The following RPL9 variants were observed in gnomAD, a reference collection of about 807,000 sequenced individuals.
RPL9 encodes large ribosomal subunit protein uL6.
For missense variants in RPL9, 149 were observed against 236.7 expected, an observed-to-expected ratio of 0.63 and a Z score of 2.43; for synonymous variants, 82 against 77.1, an observed-to-expected ratio of 1.06 and a Z score of -0.33.
intron 7 of RPL9, 65 bp downstream of exon 7, chr4:39,454,468 T>G: frequency 8.4e-7 from 1 of 1,194,516 alleles, no homozygotes; most frequent in South Asian, 1.5e-5. Flanking sequence ...TTTAAGTCTT[T>G]TAGTAAATTA....
At chr4:39,454,364 G>A (rs188042991) in intron 7 of RPL9, 139 bp from the exon 8 acceptor site, 7 of 583,718 alleles carry the variant, frequency 1.2e-5, no homozygotes, top group Non-Finnish European at 2.1e-5. Context: ...TAAACTATAC[G>A]TAGTAAAATG....
At position 39,454,926 on chromosome 4, in the gene RPL9, G is replaced by T; in HGVS notation, c.410C>A (p.Ser137Tyr). ...GATTAATTCATCTTTCTGGGCTTGA[G>T]ATACTGAACAAGCAACACCTAAAAG... ...RMRPGVACSV[S>Y]QAQKDELILE... Residue 137 changes from serine (S) to tyrosine (Y), a missense_variant, in exon 6 of 8, where the codon TCT becomes TAT. Ser to Tyr is a moderately radical substitution (Grantham distance 144). Coordinates refer to ENST00000295955, the MANE Select transcript of RPL9 (RefSeq NM_000661.5). The T allele has an allele frequency of 6.2e-7, 1 of 1,613,852 alleles. No homozygotes were observed. Among genetic ancestry groups the T allele is most frequent in the African/African-American group, 1.3e-5 (1 of 75,010 alleles).
intron 3 of RPL9, 93 bp downstream of exon 3, chr4:39,458,101 C>A: frequency 8.0e-7 from 1 of 1,247,538 alleles, no homozygotes; most frequent in Non-Finnish European, 1.2e-6. Flanking sequence ...AAGCACTGAA[C>A]CTTAATTCGA....
At chr4:39,457,945 A>T in intron 3 of RPL9, 1 of 639,182 alleles carries the variant, frequency 1.6e-6, no homozygotes, top group Non-Finnish European at 2.8e-6. Flanking sequence ...AATCACTAGG[A>T]AAATAAACCA....
Position 39,458,300 on chromosome 4 carries a change from G to C in RPL9, c.56C>G (p.Thr19Ser). The C allele has an allele frequency of 6.2e-7, 1 of 1,614,130 alleles. No individual in the cohort carries two copies. Among genetic ancestry groups the C allele is most frequent in the South Asian group, 1.1e-5 (1 of 91,086 alleles). ...CACGATAACTGTGCGTCCCTTCAGA[G>C]TAATGTCGACTAGAAGAGAGAACAC... ...TVDIPENVDI[T>S]LKGRTVIVKG... The change falls in exon 3 of 8, where the codon ACT becomes AGT. Residue 19 changes from threonine (T) to serine (S), a missense_variant. Physicochemically the swap from Thr to Ser is moderately conservative, Grantham distance 58 (BLOSUM62 1). Transcript: ENST00000295955.
intron 3 of RPL9, 42 bp from the exon 4 acceptor site, chr4:39,457,723 G>A (rs144312110): frequency 2.1e-5 from 32 of 1,491,074 alleles, no homozygotes; most frequent in Non-Finnish European, 2.7e-5. Flanking sequence ...GAAATATGCA[G>A]GCTTAAAAGA....
Position 39,458,499 on chromosome 4 carries a change from G to A in RPL9, c.-1-59C>T. 3.2e-6 allele frequency: 5 copies of A among 1,555,044 alleles called. No individual in the cohort carries two copies. In the South Asian group the frequency reaches 3.4e-5, roughly 11 times the overall value. The stretch of plus-strand genomic sequence containing the variant: ...AAGGCCCGTTTTTCCACCAAACTAC[G>A]CCGCACAGAGCTCCACTCCTACTGG... On this transcript the variant is annotated intron_variant, in intron 1 of 7. Transcript: ENST00000295955.
At chr4:39,456,645 C>G in intron 4 of RPL9, 107 bp from the exon 5 acceptor site, 1 of 1,216,678 alleles carries the variant, frequency 8.2e-7, no homozygotes, top group Non-Finnish European at 1.1e-6. Context: ...ACACTCACTG[C>G]CAAGATTTTC....
At chr4:39,457,739 G>T in intron 3 of RPL9, 58 bp from the exon 4 acceptor site, 3 of 1,340,174 alleles carry the variant, frequency 2.2e-6, no homozygotes, top group South Asian at 2.3e-5. Context: ...AAAGACAACA[G>T]ACCACTTACC....
At position 39,454,775 on chromosome 4, in the gene RPL9, A is replaced by T. The variant is rs76125662; in HGVS notation, c.472+89T>A. 2,136 of 1,469,622 alleles carry T rather than the reference A, an allele frequency of 1.5e-3. 19 individuals are homozygous for T. The African/African-American group carries it at 0.026, about 18-fold the overall frequency. 91.0% of individuals were successfully genotyped at this position (1,469,622 alleles called of 1,614,324 possible). A position where few individuals can be genotyped will look rare whatever the true frequency, so the allele number is the denominator to read the frequency against. Reference sequence around the variant, plus strand: ...TTTTATTTTCACAATTTAAAAAGCTAATCAAATAAAAATTAGCAAAATACT... The same window carrying T: ...TTTTATTTTCACAATTTAAAAAGCTTATCAAATAAAAATTAGCAAAATACT... On this transcript the variant is annotated intron_variant, in intron 6 of 7. Transcript: ENST00000295955.
In RPL9 at chr4:39,458,197, CT is replaced by C. The variant is rs756738772; in HGVS notation, c.158del (p.Lys53ArgfsTer28). The C allele has an allele frequency of 6.2e-7, 1 of 1,613,626 alleles. No homozygotes were observed. Among genetic ancestry groups the C allele is most frequent in the Non-Finnish European group, 8.5e-7 (1 of 1,179,590 alleles). ...VELSLLGKKK[K>X]RLRVDKWWGN... ...TTATCAGAAGAAAAACCCTCACCCT[CT>C]TTTTTTTCTTTCCAAGAAGGCTGAG... On this transcript the variant is annotated frameshift_variant, in exon 3 of 8. Coordinates refer to ENST00000295955, the MANE Select transcript of RPL9 (RefSeq NM_000661.5). LOFTEE classifies it high-confidence loss of function.
intron 6 of RPL9, 48 bp from the exon 7 acceptor site, chr4:39,454,697 T>TA (rs774459078): frequency 6.5e-7 from 1 of 1,531,610 alleles, no homozygotes; most frequent in Non-Finnish European, 8.9e-7. Context: ...TAACCCATCT[T>TA]AAAAAGAAAG....
chr4:39,455,094 A>C (rs1744034364), intron 5 of RPL9, 150 bp from the exon 6 acceptor site: 3 of 728,230 alleles, frequency 4.1e-6, no homozygotes, highest in Non-Finnish European at 6.7e-6. Context: ...TCACGCCTGT[A>C]ATCTCAGCAC....
chr4:39,458,113 A>T, intron 3 of RPL9, 81 bp downstream of exon 3: 2 of 1,402,042 alleles, frequency 1.4e-6, no homozygotes, highest in Non-Finnish European at 2.0e-6. Flanking sequence ...TTAATTCGAA[A>T]ATTGTTAAAG....
intron 5 of RPL9, chr4:39,455,761 C>A (rs1744061551): frequency 6.3e-6 from 1 of 158,226 alleles, no homozygotes; most frequent in African/African-American, 2.4e-5. Flanking sequence ...CAGAGCAAGA[C>A]CCTGCCTCAA....
chr4:39,455,944 T>C (rs1744069536), intron 5 of RPL9: 1 of 213,636 alleles, frequency 4.7e-6, no homozygotes, highest in Non-Finnish European at 9.5e-6. Flanking sequence ...TACGCTAGGC[T>C]ATTAACCACT....
intron 7 of RPL9, 29 bp downstream of exon 7, chr4:39,454,504 A>G (rs1352359300): frequency 1.3e-6 from 2 of 1,510,832 alleles, no homozygotes; most frequent in Admixed American, 3.9e-5. Context: ...TAGAGCAGTA[A>G]TAAAACTTAA....
intron 5 of RPL9, chr4:39,456,129 CTT>C (rs1027934137): frequency 5.1e-5 from 22 of 434,400 alleles, no homozygotes; most frequent in African/African-American, 3.8e-4. Flanking sequence ...AATTTAAAGT[CTT>C]TTTAAAAGAT....
At chr4:39,457,235 T>C (rs1744126398) in intron 4 of RPL9, 1 of 179,500 alleles carries the variant, frequency 5.6e-6, no homozygotes, top group Admixed American at 5.6e-5. Context: ...TTTTTAAAAG[T>C]TGTACCCATC....
Sources: gnomAD v4.1 joint callset for allele counts on GRCh38, gnomAD v4.1.1 for gene constraint, MANE v1.5 for transcripts, NCBI Gene and HGNC (gene_info 2026-07-23, HGNC 2026-07-21) for gene names.